Variants in CNTNAP5 observed in about 807,000 individuals in gnomAD.
CNTNAP5 encodes the protein contactin associated protein family member 5.
A neutral mutation model predicts 150.2 loss-of-function variants in CNTNAP5; 72 were observed. That is an observed-to-expected ratio of 0.48 (90% CI 0.40 to 0.58). CNTNAP5 has a LOEUF of 0.58. CNTNAP5 is among the 20% of genes least tolerant of loss of function. The pLI is 0.00. For missense variants in CNTNAP5, 1,636 were observed against 1,626.2 expected (o/e 1.01, Z -0.10); for synonymous variants, 672 against 619.8 (o/e 1.08, Z -1.25).
At chr2:124,167,194 C>A (rs1462281952) in intron 1 of CNTNAP5, among the ~76,000 whole-genome samples, 1 of 152,136 alleles carries the variant, frequency 6.6e-6, no homozygotes, top group Non-Finnish European at 1.5e-5. Flanking sequence ...CACCTGAAGA[C>A]TTTACTTTTA....
At chr2:124,599,213 G>T (rs1013908330) in intron 11 of CNTNAP5, among the ~76,000 whole-genome samples, 3 of 152,244 alleles carry the variant, frequency 2.0e-5, no homozygotes, top group Admixed American at 6.5e-5. Flanking sequence ...TTTGATCGTG[G>T]TCTGCAGTAT....
intron 1 of CNTNAP5, among the ~76,000 whole-genome samples, chr2:124,035,577 G>T (rs1013762071): frequency 6.6e-6 from 1 of 152,136 alleles, no homozygotes. Flanking sequence ...GAACCCAGGG[G>T]ATTCTATGAG....
At chr2:124,456,356 A>T (rs968570524) in intron 6 of CNTNAP5, among the ~76,000 whole-genome samples, 1 of 152,182 alleles carries the variant, frequency 6.6e-6, no homozygotes, top group Admixed American at 6.5e-5. Flanking sequence ...GAAGATACCT[A>T]ATCAAGAAGG....
At chr2:124,365,093 G>C (rs1376358767) in intron 3 of CNTNAP5, among the ~76,000 whole-genome samples, 2 of 152,134 alleles carry the variant, frequency 1.3e-5, no homozygotes, top group Admixed American at 6.5e-5. Context: ...ATAAGAAAAG[G>C]AGGGATGAGG....
intron 1 of CNTNAP5, among the ~76,000 whole-genome samples, chr2:124,044,044 T>G (rs1681462579): frequency 6.6e-6 from 1 of 152,214 alleles, no homozygotes; most frequent in Non-Finnish European, 1.5e-5. Flanking sequence ...ATACATTACA[T>G]CTTTAAGCCC....
chr2:124,830,249 T>C (rs1682685029), intron 19 of CNTNAP5, among the ~76,000 whole-genome samples: 1 of 151,990 alleles, frequency 6.6e-6, no homozygotes, highest in Non-Finnish European at 1.5e-5. Flanking sequence ...GATTCACAGA[T>C]TATTATAAAA....
chr2:124,742,843 A>C (rs1680525328), intron 13 of CNTNAP5, among the ~76,000 whole-genome samples: 2 of 151,910 alleles, frequency 1.3e-5, no homozygotes, highest in South Asian at 4.1e-4. Flanking sequence ...TTCCTGGAGG[A>C]GTCTCCCATC....
chr2:124,175,404 C>T (rs1330655716), intron 1 of CNTNAP5, among the ~76,000 whole-genome samples: 1 of 151,862 alleles, frequency 6.6e-6, no homozygotes, highest in East Asian at 1.9e-4. Context: ...AATTTTTTTG[C>T]CAAATAATAT....
At chr2:124,902,480 A>C (rs760141830) in intron 21 of CNTNAP5, among the ~76,000 whole-genome samples, 22 of 152,174 alleles carry the variant, frequency 1.4e-4, no homozygotes, top group Non-Finnish European at 1.5e-4. Flanking sequence ...GTTGTAATGA[A>C]CATCATAGGG....
chr2:124,187,830 A>C (rs1183041333), intron 1 of CNTNAP5, among the ~76,000 whole-genome samples: 2 of 152,196 alleles, frequency 1.3e-5, no homozygotes, highest in African/African-American at 4.8e-5. Flanking sequence ...CCAGGGGATA[A>C]GATTTCATTT....
At chr2:124,910,987 G>A (rs989143521) in intron 22 of CNTNAP5, among the ~76,000 whole-genome samples, 1 of 151,814 alleles carries the variant, frequency 6.6e-6, no homozygotes, top group Non-Finnish European at 1.5e-5. Context: ...ATCATATATG[G>A]TACTGTACAC....
intron 17 of CNTNAP5, among the ~76,000 whole-genome samples, chr2:124,780,133 C>T (rs1558772487): frequency 6.6e-6 from 1 of 152,192 alleles, no homozygotes; most frequent in Non-Finnish European, 1.5e-5. Flanking sequence ...CATCTGCCCA[C>T]TGGGCTTAAT....
chr2:124,362,035 G>A (rs1354864564), intron 3 of CNTNAP5, among the ~76,000 whole-genome samples: 12 of 152,330 alleles, frequency 7.9e-5, no homozygotes, highest in East Asian at 1.9e-4. Flanking sequence ...AAGCCGGTCC[G>A]AAAAGCGCAA....
intron 10 of CNTNAP5, among the ~76,000 whole-genome samples, chr2:124,542,211 C>G (rs12613738): frequency 0.11 from 16,679 of 150,558 alleles, 960 homozygotes; most frequent in South Asian, 0.15. Flanking sequence ...TCTGGCCTCA[C>G]CTGTTCCTCC....
intron 10 of CNTNAP5, among the ~76,000 whole-genome samples, chr2:124,554,101 T>G (rs1285144992): frequency 2.6e-5 from 4 of 152,190 alleles, no homozygotes; most frequent in Non-Finnish European, 5.9e-5. Context: ...TTTTTTTCTT[T>G]TTTTAAAATT....
chr2:124,686,463 T>G (rs1423415922), intron 13 of CNTNAP5, among the ~76,000 whole-genome samples: 2 of 152,032 alleles, frequency 1.3e-5, no homozygotes, highest in Non-Finnish European at 2.9e-5. Context: ...TGCTAAATAC[T>G]CCCCAAAGAT....
At chr2:124,608,839 G>C (rs1677309165) in intron 11 of CNTNAP5, among the ~76,000 whole-genome samples, 1 of 151,870 alleles carries the variant, frequency 6.6e-6, no homozygotes, top group Non-Finnish European at 1.5e-5. Flanking sequence ...CAGCTACTCA[G>C]GAGTCCGAGG....
At chr2:124,774,286 A>C (rs1341354017) in intron 17 of CNTNAP5, among the ~76,000 whole-genome samples, 1 of 152,100 alleles carries the variant, frequency 6.6e-6, no homozygotes, top group East Asian at 1.9e-4. Flanking sequence ...ATTCAATGGA[A>C]GTTTCCTTAC....
chr2:124,219,806 C>T (rs1558806629), intron 1 of CNTNAP5, among the ~76,000 whole-genome samples: 3 of 152,030 alleles, frequency 2.0e-5, no homozygotes, highest in Admixed American at 2.0e-4. Context: ...GGTATGTATG[C>T]ACCTTCTGTC....
Sources: gnomAD v4.1 joint callset for allele counts (sites outside exome capture counted in the v4.1 genomes callset) on GRCh38, gnomAD v4.1.1 for gene constraint, MANE v1.5 for transcripts, NCBI Gene and HGNC (gene_info 2026-07-23, HGNC 2026-07-21) for gene names.